FREM1: variants seen among roughly 807,000 people sequenced by gnomAD.
FREM1 encodes the protein FRAS1 related extracellular matrix 1.
In FREM1, 220 loss-of-function variants were observed where a neutral mutation model predicts 210.1. That is an observed-to-expected ratio of 1.05 (90% CI 0.94 to 1.17). FREM1 has a LOEUF of 1.17. Ranked by LOEUF, FREM1 falls within the 50% of genes most tolerant of loss-of-function variation. FREM1 has a pLI of 0.00. For missense variants in FREM1, 3,454 were observed against 2,675.5 expected (o/e 1.29, Z -6.42); for synonymous variants, 1,189 against 980.2 (o/e 1.21, Z -3.98).
At chr9:14,763,018 A>G (rs1779033061) in intron 27 of FREM1, among the ~76,000 whole-genome samples, 1 of 152,180 alleles carries the variant, frequency 6.6e-6, no homozygotes. Flanking sequence ...ATATCTTCCC[A>G]TTTTAACAGT....
At chr9:14,823,108 T>A in intron 13 of FREM1, 52 bp downstream of exon 13, 4 of 1,408,346 alleles carry the variant, frequency 2.8e-6, no homozygotes, top group Non-Finnish European at 3.9e-6. Context: ...GGTCTTCAAG[T>A]CTCTCCTTTC....
intron 1 of FREM1, among the ~76,000 whole-genome samples, chr9:14,893,119 C>A (rs1398079186): frequency 6.6e-6 from 1 of 152,124 alleles, no homozygotes; most frequent in Non-Finnish European, 1.5e-5. Flanking sequence ...AGAAAGGAAA[C>A]CCTGAAGCCT....
chr9:14,869,790 T>A (rs6474863), intron 1 of FREM1, among the ~76,000 whole-genome samples: 83,800 of 152,112 alleles, frequency 0.55, 26,044 homozygotes, highest in African/African-American at 0.85. Flanking sequence ...ATTTGAGTGG[T>A]AATTACAGAA....
intron 9 of FREM1, 32 bp from the exon 10 acceptor site, chr9:14,841,621 G>A (rs761902678): frequency 2.0e-6 from 3 of 1,501,260 alleles, no homozygotes; most frequent in Non-Finnish European, 2.7e-6. Context: ...ACATACTTTT[G>A]TACAAGCCTA....
chr9:14,900,918 G>T (rs1160320532), intron 1 of FREM1, among the ~76,000 whole-genome samples: 4 of 152,250 alleles, frequency 2.6e-5, no homozygotes, highest in African/African-American at 9.6e-5. Context: ...TTCCTATGTT[G>T]AGAAAAATCT....
At chr9:14,762,357 T>C (rs1171306353) in intron 27 of FREM1, among the ~76,000 whole-genome samples, 1 of 152,250 alleles carries the variant, frequency 6.6e-6, no homozygotes, top group Non-Finnish European at 1.5e-5. Flanking sequence ...AATTCATCCA[T>C]TGCTAATGCT....
At chr9:14,786,367 G>C (rs975181867) in intron 23 of FREM1, among the ~76,000 whole-genome samples, 1 of 152,110 alleles carries the variant, frequency 6.6e-6, no homozygotes, top group Non-Finnish European at 1.5e-5. Context: ...AGAAAAACAC[G>C]TGATGTAAAT....
chr9:14,845,603 C>T (rs1826467605), intron 8 of FREM1, among the ~76,000 whole-genome samples: 1 of 152,160 alleles, frequency 6.6e-6, no homozygotes, highest in Admixed American at 6.6e-5. Flanking sequence ...CTGCGCTCGG[C>T]CTAATTTTTC....
chr9:14,767,549 G>A (rs564515479), intron 27 of FREM1, among the ~76,000 whole-genome samples: 67 of 152,242 alleles, frequency 4.4e-4, no homozygotes, highest in Non-Finnish European at 7.9e-4. Flanking sequence ...ATGATTAAAT[G>A]AATAGCAATG....
chr9:14,803,263 T>TCC (rs1256504440), intron 19 of FREM1, among the ~76,000 whole-genome samples: 182 of 127,788 alleles, frequency 1.4e-3, no homozygotes, highest in African/African-American at 4.8e-3. Context: ...CTTCCTCTCT[T>TCC]TCTTTCCCTC....
chr9:14,773,389 T>C (rs1847937286), intron 25 of FREM1, among the ~76,000 whole-genome samples: 1 of 152,188 alleles, frequency 6.6e-6, no homozygotes, highest in African/African-American at 2.4e-5. Context: ...GGAGACTTAT[T>C]TGGGACAGTT....
chr9:14,876,938 G>C (rs1310614596), intron 1 of FREM1, among the ~76,000 whole-genome samples: 1 of 152,188 alleles, frequency 6.6e-6, no homozygotes, highest in African/African-American at 2.4e-5. Flanking sequence ...AAGATAGGTA[G>C]ATGTCTCCCA....
chr9:14,775,737 G>A (rs1191562771), intron 25 of FREM1, 52 bp downstream of exon 25: 26 of 727,090 alleles, frequency 3.6e-5, no homozygotes, highest in South Asian at 2.6e-4. Flanking sequence ...AAAAATTCTC[G>A]ATGTCACTGT....
intron 1 of FREM1, among the ~76,000 whole-genome samples, chr9:14,893,074 G>C (rs1250882329): frequency 2.6e-5 from 4 of 152,162 alleles, no homozygotes; most frequent in African/African-American, 9.7e-5. Context: ...CCCCAGAGCT[G>C]TGGTGCAGCC....
chr9:14,762,918 G>C (rs1845766081), intron 27 of FREM1, among the ~76,000 whole-genome samples: 1 of 152,042 alleles, frequency 6.6e-6, no homozygotes, highest in South Asian at 2.1e-4. Context: ...CTATATGCCT[G>C]GCATCATGTA....
At position 14,801,586 on chromosome 9, in the gene FREM1, C is replaced by T. The variant is rs1817295276; in HGVS notation, c.3694+66G>A. On this transcript the variant is annotated intron_variant, in intron 20 of 36. Transcript: ENST00000380880. ...ATTAGTTTGACCTTTTTAGATTTCACATATAAGTATGGGTTAAATTATTCA... is the reference window on the plus strand; with the variant it reads ...ATTAGTTTGACCTTTTTAGATTTCATATATAAGTATGGGTTAAATTATTCA... 5.4e-6 allele frequency: 6 copies of T among 1,113,160 alleles called. No homozygotes were observed. In the South Asian group the frequency reaches 8.6e-5, roughly 16 times the overall value. The allele number at this position is 1,113,160 out of a possible 1,614,324, so 69.0% of individuals were successfully genotyped here. A position where few individuals can be genotyped will look rare whatever the true frequency, so the allele number is the denominator to read the frequency against.
At chr9:14,853,572 A>T (rs988705993) in intron 5 of FREM1, among the ~76,000 whole-genome samples, 1 of 152,230 alleles carries the variant, frequency 6.6e-6, no homozygotes, top group Non-Finnish European at 1.5e-5. Context: ...ATCATATGTC[A>T]TCAATGCCTG....
At position 14,757,759 on chromosome 9, in the gene FREM1, C is replaced by T. The variant is rs1379212655; in HGVS notation, c.5335-1313G>A. Among the ~76,000 whole-genome samples, 3 of 152,140 alleles carry T rather than the reference C, an allele frequency of 2.0e-5. No homozygotes were observed. In the East Asian group the frequency reaches 5.8e-4, roughly 29 times the overall value. ...AAATTCCTACTTCTATGGCCTCAGACAATATGTCCATTTCAAATCAAAGGC... is the reference window on the plus strand; with the variant it reads ...AAATTCCTACTTCTATGGCCTCAGATAATATGTCCATTTCAAATCAAAGGC... On this transcript the variant is annotated intron_variant, in intron 28 of 36. Transcript: ENST00000380880.
chr9:14,749,321 G>C (rs1842955640), intron 30 of FREM1, among the ~76,000 whole-genome samples: 1 of 152,154 alleles, frequency 6.6e-6, no homozygotes, highest in Admixed American at 6.5e-5. Context: ...GTAGTGGGGA[G>C]AGATGTTGCA....
Sources: allele counts gnomAD v4.1 joint callset (sites outside exome capture counted in the v4.1 genomes callset), GRCh38; gene constraint gnomAD v4.1.1; transcripts MANE v1.5; gene names NCBI Gene and HGNC (gene_info 2026-07-23, HGNC 2026-07-21).